The following CFAP54 variants were observed in gnomAD, a reference collection of about 807,000 sequenced individuals.
CFAP54 encodes the protein cilia- and flagella-associated protein 54.
In CFAP54, 290 loss-of-function variants were observed where a neutral mutation model predicts 370.4. The ratio of observed to expected loss-of-function variants is 0.78; its 90% CI spans 0.71 to 0.86. The LOEUF is 0.86. Among genes scored for constraint, CFAP54 ranks in the 40% least tolerant of loss-of-function variants. CFAP54 has a pLI of 0.00. For missense variants in CFAP54, 3,399 were observed against 3,528.7 expected (o/e 0.96, Z 0.93); for synonymous variants, 1,206 against 1,236.5 (o/e 0.98, Z 0.52).
At chr12:96,676,132 G>A (rs1957205486) in intron 39 of CFAP54, among the ~76,000 whole-genome samples, 1 of 152,096 alleles carries the variant, frequency 6.6e-6, no homozygotes, top group Admixed American at 6.6e-5. Flanking sequence ...GTCTTCATCT[G>A]CTGAATGCTT....
At chr12:96,570,637 A>G (rs1309268451) in intron 19 of CFAP54, among the ~76,000 whole-genome samples, 2 of 152,120 alleles carry the variant, frequency 1.3e-5, no homozygotes, top group Non-Finnish European at 2.9e-5. Context: ...TTAAGATTCA[A>G]TTTCTTCATC....
At chr12:96,498,171 C>A (rs1954979878) in intron 1 of CFAP54, among the ~76,000 whole-genome samples, 1 of 151,294 alleles carries the variant, frequency 6.6e-6, no homozygotes, top group African/African-American at 2.4e-5. Flanking sequence ...GGATCAAAAC[C>A]CCTTTTCTGG....
intron 65 of CFAP54, among the ~76,000 whole-genome samples, chr12:96,825,931 G>A (rs1328658424): frequency 7.3e-6 from 1 of 136,058 alleles, no homozygotes; most frequent in Non-Finnish European, 1.6e-5. Flanking sequence ...ATATAAATAT[G>A]TAACATAGTA....
intron 50 of CFAP54, among the ~76,000 whole-genome samples, chr12:96,737,044 C>T (rs1029940067): frequency 5.3e-5 from 8 of 152,128 alleles, no homozygotes; most frequent in African/African-American, 1.9e-4. Flanking sequence ...TAATAGTACA[C>T]GTTGAGTATC....
intron 26 of CFAP54, among the ~76,000 whole-genome samples, chr12:96,615,006 A>C (rs975200704): frequency 2.0e-4 from 30 of 152,324 alleles, no homozygotes; most frequent in African/African-American, 7.2e-4. Context: ...ATTGGAAAAA[A>C]ACTACTTTAA....
At chr12:96,525,161 A>ATT (rs11407103) in intron 8 of CFAP54, among the ~76,000 whole-genome samples, 17 of 149,698 alleles carry the variant, frequency 1.1e-4, no homozygotes, top group South Asian at 8.4e-4. Context: ...ATTTGTTTAA[A>ATT]TTTTTTTTTT....
At chr12:96,680,905 G>A (rs1423917747) in intron 40 of CFAP54, among the ~76,000 whole-genome samples, 1 of 152,156 alleles carries the variant, frequency 6.6e-6, no homozygotes, top group Non-Finnish European at 1.5e-5. Context: ...CCAACATAGT[G>A]AAACCCTGTC....
Position 96,526,271 on chromosome 12 carries a change from G to T in CFAP54, c.1159-975G>T, listed in dbSNP as rs1256693197. On this transcript the variant is annotated intron_variant, in intron 8 of 67. Coordinates refer to ENST00000524981, the MANE Select transcript of CFAP54 (RefSeq NM_001306084.2). ...GTCATTTGATGGAGAGAAGAATGAA[G>T]TGTGGCAGGAAGCATGTGCAGGAAG... Among the ~76,000 whole-genome samples the T allele has an allele frequency of 2.0e-5, 3 of 152,196 alleles. No individual in the cohort carries two copies. The East Asian group carries it at 5.8e-4, about 29-fold the overall frequency.
intron 33 of CFAP54, among the ~76,000 whole-genome samples, chr12:96,647,323 CTT>C (rs1420546808): frequency 4.0e-5 from 6 of 150,878 alleles, no homozygotes; most frequent in Middle Eastern, 6.4e-3. Flanking sequence ...AATACAAAAA[CTT>C]AGCCAGGCGT....
At chr12:96,850,740 C>T (rs1193624747) in intron 66 of CFAP54, among the ~76,000 whole-genome samples, 1 of 151,330 alleles carries the variant, frequency 6.6e-6, no homozygotes, top group African/African-American at 2.4e-5. Context: ...AGGAAACTTA[C>T]AATCATGGTG....
chr12:96,693,538 C>T (rs959126927), intron 44 of CFAP54, among the ~76,000 whole-genome samples, 184 bp from the exon 45 acceptor site: 18 of 152,156 alleles, frequency 1.2e-4, no homozygotes, highest in Middle Eastern at 3.4e-3. Flanking sequence ...CTTAAAGTTC[C>T]GATAAACTTA....
intron 36 of CFAP54, among the ~76,000 whole-genome samples, chr12:96,653,291 C>A (rs1227135814): frequency 6.6e-6 from 1 of 152,188 alleles, no homozygotes; most frequent in Admixed American, 6.5e-5. Flanking sequence ...TGGCCTGTCA[C>A]AACTGTGGTA....
At chr12:96,526,061 C>T (rs1245548298) in intron 8 of CFAP54, among the ~76,000 whole-genome samples, 2 of 152,196 alleles carry the variant, frequency 1.3e-5, no homozygotes, top group African/African-American at 4.8e-5. Flanking sequence ...GAAGCTAGTG[C>T]TTGCGGGAAA....
intron 66 of CFAP54, among the ~76,000 whole-genome samples, chr12:96,851,677 A>G (rs117971199): frequency 0.011 from 1,674 of 152,152 alleles, 15 homozygotes; most frequent in South Asian, 0.019. Context: ...TAGTGGCAAA[A>G]TTATAAAATG....
At position 96,734,697 on chromosome 12, in the gene CFAP54, G is replaced by A. The variant is rs531136839; in HGVS notation, c.6966-5259G>A. On this transcript the variant is annotated intron_variant, in intron 50 of 67. Coordinates refer to ENST00000524981, the MANE Select transcript of CFAP54 (RefSeq NM_001306084.2). ...TCTTAAAAATTAGGTTATTTCACAT[G>A]AACTAAAAAGTTTTTTTAAGTAGAA... Among the ~76,000 whole-genome samples, 7 of 152,014 alleles carry A rather than the reference G, an allele frequency of 4.6e-5. No homozygotes were observed. The East Asian group carries it at 1.3e-3, about 29-fold the overall frequency.
intron 66 of CFAP54, among the ~76,000 whole-genome samples, chr12:96,859,058 A>G (rs910123158): frequency 6.6e-6 from 1 of 152,194 alleles, no homozygotes; most frequent in African/African-American, 2.4e-5. Context: ...AAAAACAGGC[A>G]CATAGACCAA....
chr12:96,820,968 C>T (rs776757295), intron 65 of CFAP54, among the ~76,000 whole-genome samples: 1 of 152,046 alleles, frequency 6.6e-6, no homozygotes, highest in Non-Finnish European at 1.5e-5. Context: ...GATTATTTTC[C>T]TCTGAACCCA....
At chr12:96,597,649 T>C (rs1011613999) in intron 25 of CFAP54, among the ~76,000 whole-genome samples, 5 of 151,700 alleles carry the variant, frequency 3.3e-5, no homozygotes, top group African/African-American at 1.2e-4. Context: ...GCTATACCTG[T>C]AGACTTACAG....
intron 60 of CFAP54, among the ~76,000 whole-genome samples, chr12:96,769,527 A>G (rs1276171275): frequency 4.6e-5 from 7 of 152,232 alleles, no homozygotes; most frequent in Non-Finnish European, 1.0e-4. Flanking sequence ...TCTCTTAGAC[A>G]GACTGCTCTG....
Sources: gnomAD v4.1 joint callset for allele counts (sites outside exome capture counted in the v4.1 genomes callset) on GRCh38, gnomAD v4.1.1 for gene constraint, MANE v1.5 for transcripts, NCBI Gene and HGNC (gene_info 2026-07-23, HGNC 2026-07-21) for gene names.